PEDS1: variants seen among roughly 807,000 people sequenced by gnomAD.
PEDS1 encodes CarF homolog.
Under a neutral mutation model 35.2 loss-of-function variants are expected in PEDS1, and 14 were observed. The observed-to-expected ratio is 0.40, with a 90% CI of 0.26 to 0.62. PEDS1 has a LOEUF of 0.62. Ranked by LOEUF, PEDS1 falls within the 20% of genes least tolerant of loss-of-function variation. The probability of loss-of-function intolerance (pLI) is 0.44; values close to 1 mark genes in which losing one functional copy is unlikely to be tolerated. For synonymous variants in PEDS1, 152 were observed against 152.0 expected, an observed-to-expected ratio of 1.00 and a Z score of 0.00; for missense variants, 260 against 367.8, an observed-to-expected ratio of 0.71 and a Z score of 2.40.
rs199615961 is a variant in PEDS1 at position 50,130,991 on chromosome 20, C to G, written c.242-44G>C. The stretch of plus-strand genomic sequence containing the variant: ...GTGAAGGGACATCCCTGCACCCCCC[C>G]AATCAGAATCACTCATTCATTTACT... On this transcript the variant is annotated intron_variant, in intron 2 of 5. Transcript: ENST00000371652. 49 of 1,614,124 alleles carry G rather than the reference C, an allele frequency of 3.0e-5. No individual in the cohort carries two copies. In the Admixed American group the frequency reaches 6.0e-4, roughly 20 times the overall value.
At position 50,128,845 on chromosome 20, in the gene PEDS1, A is replaced by G. The variant is rs1484892196; in HGVS notation, c.479-658T>C. On this transcript the variant is annotated intron_variant, in intron 4 of 5. Coordinates refer to ENST00000371652, the MANE Select transcript of PEDS1 (RefSeq NM_199129.4). The surrounding 1 kb of genome is among the most constrained non-coding windows in gnomAD (Gnocchi z 5.2). ...GCCTTATCCCAAGGAGACAGGTGGG[A>G]CCTCCCCTCCATCCCTGGAGAAGCT... Among the ~76,000 whole-genome samples the G allele has an allele frequency of 6.6e-6, 1 of 151,812 alleles. No individual in the cohort carries two copies. Among genetic ancestry groups the G allele is most frequent in the East Asian group, 1.9e-4 (1 of 5,168 alleles).
chr20:50,140,192 C>G (rs2081278395), intron 2 of PEDS1, among the ~76,000 whole-genome samples: 1 of 152,252 alleles, frequency 6.6e-6, no homozygotes, highest in African/African-American at 2.4e-5. Flanking sequence ...TTTCACAGCT[C>G]CTCCAGAATT....
intron 2 of PEDS1, among the ~76,000 whole-genome samples, chr20:50,143,216 C>A (rs561972845): frequency 6.6e-6 from 1 of 152,268 alleles, no homozygotes; most frequent in South Asian, 2.1e-4. Flanking sequence ...AGAGCCATGG[C>A]TGTACTCCTC....
intron 2 of PEDS1, among the ~76,000 whole-genome samples, chr20:50,138,809 C>G (rs1365784635): frequency 1.3e-5 from 2 of 152,224 alleles, no homozygotes; most frequent in Non-Finnish European, 2.9e-5. Context: ...GCAGCTTCGG[C>G]TTGGTTACCA....
In PEDS1 at chr20:50,137,231, C is replaced by T. The variant is rs1366732520; in HGVS notation, c.241+6271G>A. Among the ~76,000 whole-genome samples, 14 of 152,086 alleles carry T rather than the reference C, an allele frequency of 9.2e-5. 1 individual carries two copies. The highest frequency in any genetic ancestry group is 9.2e-4 in the Admixed American group (14 of 15,264). ...ACAGCTGTAGAGACAAGGGTCTCACCATGTTGTCCAGGCTGACCAGTGAAC... is the reference window on the plus strand; with the variant it reads ...ACAGCTGTAGAGACAAGGGTCTCACTATGTTGTCCAGGCTGACCAGTGAAC... On this transcript the variant is annotated intron_variant, in intron 2 of 5. Coordinates refer to ENST00000371652, the MANE Select transcript of PEDS1 (RefSeq NM_199129.4).
At chr20:50,140,762 C>A (rs2081284453) in intron 2 of PEDS1, among the ~76,000 whole-genome samples, 2 of 152,188 alleles carry the variant, frequency 1.3e-5, no homozygotes, top group African/African-American at 2.4e-5. Flanking sequence ...TTTCTGGGAC[C>A]TGCCTGGGAC....
chr20:50,140,881 T>G (rs1415525073), intron 2 of PEDS1, among the ~76,000 whole-genome samples: 1 of 152,150 alleles, frequency 6.6e-6, no homozygotes, highest in Non-Finnish European at 1.5e-5. Context: ...TTAAATCGAT[T>G]AGGGACTGTG....
In PEDS1 at chr20:50,153,646, G is replaced by C; in HGVS notation, c.-9C>G. On this transcript the variant is annotated 5_prime_UTR_variant, in exon 1 of 6. Transcript: ENST00000371652. ...TTCTCGGCGCCCGCCATGGCCACTC[G>C]CCCGATCGGCCCGGTGCGCTCTGCT... The C allele has an allele frequency of 8.1e-7, 1 of 1,241,288 alleles. No individual in the cohort carries two copies. 76.9% of individuals were successfully genotyped at this position (1,241,288 alleles called of 1,614,324 possible). A position where few individuals can be genotyped will look rare whatever the true frequency, so the allele number is the denominator to read the frequency against.
chr20:50,132,666 A>G (rs1033566151), intron 2 of PEDS1, among the ~76,000 whole-genome samples: 4 of 152,024 alleles, frequency 2.6e-5, no homozygotes, highest in Non-Finnish European at 5.9e-5. Flanking sequence ...TTCTCCCCCA[A>G]CAAGGAGGTT....
chr20:50,140,284 C>T (rs8115546), intron 2 of PEDS1, among the ~76,000 whole-genome samples: 3,879 of 152,338 alleles, frequency 0.025, 163 homozygotes, highest in African/African-American at 0.087. Flanking sequence ...CGTGGCTGGA[C>T]CATGGCAGGC....
intron 1 of PEDS1, among the ~76,000 whole-genome samples, chr20:50,144,048 G>C (rs2081322432): frequency 6.6e-6 from 1 of 152,086 alleles, no homozygotes; most frequent in Non-Finnish European, 1.5e-5. Context: ...CACAAGCTGA[G>C]CTTACAGACT....
At chr20:50,127,132 G>C (rs1234340839) in intron 5 of PEDS1, among the ~76,000 whole-genome samples, 3 of 152,116 alleles carry the variant, frequency 2.0e-5, no homozygotes, top group Non-Finnish European at 2.9e-5. Context: ...GCACGGCTTT[G>C]TCCCTCAGCT....
rs1290492972 is a variant in PEDS1 at position 50,123,521 on chromosome 20, C to T, written c.*1537G>A. The T allele has an allele frequency of 6.6e-6, 1 of 152,462 alleles. No individual in the cohort carries two copies. The highest frequency in any genetic ancestry group is 6.5e-5 in the Admixed American group (1 of 15,284). The allele number at this position is 152,462 out of a possible 1,614,324, so 9.4% of individuals were successfully genotyped here. A position where few individuals can be genotyped will look rare whatever the true frequency, so the allele number is the denominator to read the frequency against. ...CCTCAGGTGATCTGTCCGCCTCAGC[C>T]TCCCAAAGTGCTGGGATTACTGGCG... On this transcript the variant is annotated 3_prime_UTR_variant, in exon 6 of 6. Coordinates refer to ENST00000371652, the MANE Select transcript of PEDS1 (RefSeq NM_199129.4).
chr20:50,136,815 T>C (rs1032332313), intron 2 of PEDS1, among the ~76,000 whole-genome samples: 1 of 151,192 alleles, frequency 6.6e-6, no homozygotes, highest in East Asian at 1.9e-4. Flanking sequence ...GGTGGGAGGA[T>C]TGCTTGAGTC....
chr20:50,130,928 A>C lies in PEDS1; in HGVS notation c.261T>G (p.Ala87=). 6.2e-7 allele frequency: 1 copy of C among 1,614,246 alleles called. No homozygotes were observed. Among genetic ancestry groups the C allele is most frequent in the South Asian group, 1.1e-5 (1 of 91,088 alleles). The change falls in exon 3 of 6, where the codon GCT becomes GCG. Residue 87 remains alanine (A), a synonymous_variant. Transcript: ENST00000371652. The stretch of plus-strand genomic sequence containing the variant: ...AGTGTACCAGGCCAGACAAGAAGTC[A>C]GCAATGAGAGCCCCTGCAACTGTGG... ...ILGVVAGALI[A]DFLSGLVHWG... is the part of the protein sequence containing the mutation.
rs576824055 is a variant in PEDS1, at chr20:50,152,424, C to G, written c.121+1093G>C. 2.3e-3 allele frequency among the ~76,000 whole-genome samples: 350 copies of G among 152,292 alleles called. 2 individuals carry two copies. The highest frequency in any genetic ancestry group is 8.1e-3 in the African/African-American group (337 of 41,564). On this transcript the variant is annotated intron_variant, in intron 1 of 5. Coordinates refer to ENST00000371652, the MANE Select transcript of PEDS1 (RefSeq NM_199129.4). ...AACAAAGCTTCATTCCATGGTGACA[C>G]CCAGGTAGAGGTGCCTCCCAGTCAC...
chr20:50,128,325 GC>G lies in PEDS1; in HGVS notation c.479-139del. The stretch of plus-strand genomic sequence containing the variant: ...AGGATTCTCTTCCACCCCCTGCAGG[GC>G]CGCAGGCAAGCTCAGGTGCTGCCCT... On this transcript the variant is annotated intron_variant, in intron 4 of 5. Coordinates refer to ENST00000371652, the MANE Select transcript of PEDS1 (RefSeq NM_199129.4). The surrounding 1 kb of genome is among the most constrained non-coding windows in gnomAD (Gnocchi z 5.2). 1 of 1,079,442 alleles carries G rather than the reference GC, an allele frequency of 9.3e-7. No individual in the cohort carries two copies. The highest frequency in any genetic ancestry group is 1.3e-6 in the Non-Finnish European group (1 of 754,810). 66.9% of individuals were successfully genotyped at this position (1,079,442 alleles called of 1,614,324 possible). A position where few individuals can be genotyped will look rare whatever the true frequency, so the allele number is the denominator to read the frequency against.
chr20:50,127,641 C>T (rs2147269996), intron 5 of PEDS1, among the ~76,000 whole-genome samples: 1 of 152,328 alleles, frequency 6.6e-6, no homozygotes, highest in East Asian at 1.9e-4. Context: ...CCACTGCGCC[C>T]AGCTGATTCA....
chr20:50,141,763 C>T (rs2081293845), intron 2 of PEDS1, among the ~76,000 whole-genome samples: 1 of 152,206 alleles, frequency 6.6e-6, no homozygotes, highest in Admixed American at 6.5e-5. Flanking sequence ...ATGCCTGGCT[C>T]CTGCCTGGGC....
Sources: gnomAD v4.1 joint callset for allele counts (sites outside exome capture counted in the v4.1 genomes callset) on GRCh38, gnomAD v4.1.1 for gene constraint, Gnocchi (gnomAD v3.1) non-coding constraint, MANE v1.5 for transcripts, NCBI Gene and HGNC (gene_info 2026-07-23, HGNC 2026-07-21) for gene names.